COX10: variants seen among roughly 807,000 people sequenced by gnomAD.
The protein encoded by COX10 is protoheme IX farnesyltransferase, mitochondrial.
COX10 carries 27 observed loss-of-function variants against 37.3 expected under a neutral mutation model. That is an observed-to-expected ratio of 0.72 (90% CI 0.53 to 1.00). The LOEUF (loss-of-function observed/expected upper bound fraction) is 1.00, where lower values mean the gene tolerates loss of function less well. Among genes scored for constraint, COX10 ranks in the 50% least tolerant of loss-of-function variants. COX10 has a pLI of 0.00. For missense variants in COX10, 475 were observed against 563.2 expected, an observed-to-expected ratio of 0.84 and a Z score of 1.59; for synonymous variants, 222 against 229.1, an observed-to-expected ratio of 0.97 and a Z score of 0.28.
chr17:14,196,743 T>C (rs1906379369), intron 6 of COX10, among the ~76,000 whole-genome samples: 1 of 152,134 alleles, frequency 6.6e-6, no homozygotes, highest in Non-Finnish European at 1.5e-5. Flanking sequence ...CCTCCTCCAC[T>C]TCCTTCTCTC....
intron 5 of COX10, among the ~76,000 whole-genome samples, chr17:14,179,832 G>A (rs1284212100): frequency 1.3e-5 from 2 of 151,312 alleles, no homozygotes; most frequent in African/African-American, 2.4e-5. Flanking sequence ...TTTAGGTGTG[G>A]GCTGTAAGCA....
Position 14,077,046 on chromosome 17 carries a change from C to A in COX10, c.489C>A (p.Ile163=). The A allele has an allele frequency of 6.2e-7, 1 of 1,613,988 alleles. No individual in the cohort carries two copies. Among genetic ancestry groups the A allele is most frequent in the South Asian group, 1.1e-5 (1 of 90,998 alleles). Residue 163 remains isoleucine, a synonymous_variant, in exon 3 of 7, where the codon ATC becomes ATA. Transcript: ENST00000261643. ...LPGILARLSK[I]KLTALVVSTT... is the part of the protein sequence containing the mutation. Reference sequence around the variant, plus strand: ...GAATTTTGGCTCGACTATCCAAAATCAAACTCACAGGTACTTTGTTTTTCT... The same window carrying A: ...GAATTTTGGCTCGACTATCCAAAATAAAACTCACAGGTACTTTGTTTTTCT...
At chr17:14,154,780 G>C (rs968001717) in intron 4 of COX10, among the ~76,000 whole-genome samples, 6 of 152,132 alleles carry the variant, frequency 3.9e-5, no homozygotes, top group African/African-American at 1.4e-4. Flanking sequence ...CCCATTTGCC[G>C]CTGAGGAAAC....
chr17:14,172,896 T>A (rs1905526188), intron 5 of COX10, among the ~76,000 whole-genome samples: 1 of 152,172 alleles, frequency 6.6e-6, no homozygotes. Flanking sequence ...TCTCACTATG[T>A]TGCCCAGGCT....
At chr17:14,167,055 T>C (rs1905310444) in intron 5 of COX10, among the ~76,000 whole-genome samples, 1 of 152,158 alleles carries the variant, frequency 6.6e-6, no homozygotes, top group South Asian at 2.1e-4. Context: ...TGAAAAACAT[T>C]CATGATTCAG....
intron 4 of COX10, among the ~76,000 whole-genome samples, chr17:14,107,878 GA>G (rs1270690683): frequency 6.6e-6 from 1 of 152,126 alleles, no homozygotes; most frequent in Non-Finnish European, 1.5e-5. Flanking sequence ...TTGATGAGTA[GA>G]ATGCTCTTCC....
chr17:14,128,840 C>T (rs898299396), intron 4 of COX10, among the ~76,000 whole-genome samples: 1 of 152,088 alleles, frequency 6.6e-6, no homozygotes, highest in Non-Finnish European at 1.5e-5. Flanking sequence ...TGTATTTCTA[C>T]ATTTATTTTA....
chr17:14,206,818 C>T lies in COX10; in HGVS notation c.937C>T (p.Leu313Phe). ...ATGSLDAGAF[L>F]LGGILYSWQF... Reference sequence around the variant, plus strand: ...CCCTGACCCCCGCACAGGCGCATTTCTCCTGGGAGGAATCCTCTACTCCTG... The same window carrying T: ...CCCTGACCCCCGCACAGGCGCATTTTTCCTGGGAGGAATCCTCTACTCCTG... Residue 313 changes from leucine to phenylalanine, a missense_variant, in exon 7 of 7, where the codon CTC (leucine) becomes TTC (phenylalanine). By Grantham distance (22) the Leu-to-Phe change is conservative. Coordinates refer to ENST00000261643, the MANE Select transcript of COX10 (RefSeq NM_001303.4). 1 of 1,614,182 alleles carries T rather than the reference C, an allele frequency of 6.2e-7. No homozygotes were observed. Among genetic ancestry groups the T allele is most frequent in the African/African-American group, 1.3e-5 (1 of 75,068 alleles).
intron 2 of COX10, among the ~76,000 whole-genome samples, chr17:14,076,055 A>G (rs921630992): frequency 1.4e-5 from 2 of 144,106 alleles, no homozygotes; most frequent in Admixed American, 7.0e-5. Flanking sequence ...GCCCCTCCCT[A>G]TGCTGTTTGC....
chr17:14,123,933 AT>A (rs3837821), intron 4 of COX10, among the ~76,000 whole-genome samples: 30,961 of 151,690 alleles, frequency 0.2, 3,762 homozygotes, highest in Middle Eastern at 0.29. Context: ...AGTATCAAGT[AT>A]TTTTTTTTCC....
At chr17:14,133,493 C>T (rs994432319) in intron 4 of COX10, among the ~76,000 whole-genome samples, 2 of 150,882 alleles carry the variant, frequency 1.3e-5, no homozygotes, top group Non-Finnish European at 3.0e-5. Flanking sequence ...TTTGCATGAC[C>T]CATAGTAGCT....
At chr17:14,153,218 G>A (rs1335801597) in intron 4 of COX10, among the ~76,000 whole-genome samples, 1 of 152,146 alleles carries the variant, frequency 6.6e-6, no homozygotes, top group Non-Finnish European at 1.5e-5. Context: ...GCAGAATCGT[G>A]TTTTATGCCA....
intron 5 of COX10, among the ~76,000 whole-genome samples, chr17:14,183,139 A>G (rs1297786263): frequency 6.7e-6 from 1 of 149,894 alleles, no homozygotes; most frequent in African/African-American, 2.5e-5. Flanking sequence ...CAGGAAAGGC[A>G]GAGGTAGAAA....
At chr17:14,133,055 T>C (rs1916501633) in intron 4 of COX10, among the ~76,000 whole-genome samples, 1 of 151,720 alleles carries the variant, frequency 6.6e-6, no homozygotes, top group South Asian at 2.1e-4. Flanking sequence ...TGTTTAGAAA[T>C]GTGTGGTGTT....
chr17:14,172,600 AG>A (rs773613163), intron 5 of COX10, among the ~76,000 whole-genome samples: 3 of 79,870 alleles, frequency 3.8e-5, no homozygotes, highest in Non-Finnish European at 6.9e-5. Context: ...TTTTTTTTTG[AG>A]ACAGGTCTTG....
At chr17:14,190,486 GTTC>G (rs1405073589) in intron 5 of COX10, among the ~76,000 whole-genome samples, 2 of 152,140 alleles carry the variant, frequency 1.3e-5, no homozygotes, top group Non-Finnish European at 2.9e-5. Context: ...GTAATTTATG[GTTC>G]TTCTGTCACA....
At chr17:14,199,074 A>G (rs1384897739) in intron 6 of COX10, among the ~76,000 whole-genome samples, 1 of 152,148 alleles carries the variant, frequency 6.6e-6, no homozygotes, top group Non-Finnish European at 1.5e-5. Context: ...AAAGACCAAA[A>G]AAAAAAAAAG....
chr17:14,156,230 C>T (rs986196399), intron 4 of COX10, among the ~76,000 whole-genome samples: 1 of 151,862 alleles, frequency 6.6e-6, no homozygotes, highest in Non-Finnish European at 1.5e-5. Context: ...AATGGTAAAT[C>T]TGAATTTTTT....
At chr17:14,182,543 C>T (rs867678514) in intron 5 of COX10, among the ~76,000 whole-genome samples, 82 of 152,020 alleles carry the variant, frequency 5.4e-4, no homozygotes, top group African/African-American at 1.9e-3. Context: ...TAGAAAACTC[C>T]TAAATAAGAT....
Sources: allele counts gnomAD v4.1 joint callset (sites outside exome capture counted in the v4.1 genomes callset), GRCh38; gene constraint gnomAD v4.1.1; transcripts MANE v1.5; gene names NCBI Gene and HGNC (gene_info 2026-07-23, HGNC 2026-07-21).